SHISA9: variants seen among roughly 807,000 people sequenced by gnomAD.
The protein encoded by SHISA9 is protein shisa-9.
A neutral mutation model predicts 38.0 loss-of-function variants in SHISA9; 13 were observed. The ratio of observed to expected loss-of-function variants is 0.34; its 90% CI spans 0.22 to 0.54. The LOEUF (loss-of-function observed/expected upper bound fraction) is 0.54, where lower values mean the gene tolerates loss of function less well. SHISA9 is among the 20% of genes least tolerant of loss of function. The pLI is 0.91. For synonymous variants in SHISA9, 275 were observed against 242.0 expected, an observed-to-expected ratio of 1.14 and a Z score of -1.27; for missense variants, 538 against 575.8, an observed-to-expected ratio of 0.93 and a Z score of 0.67.
At chr16:13,462,113 G>GA in the SHISA9 span, among the ~76,000 whole-genome samples, 585 of 150,088 alleles carry the variant, frequency 3.9e-3, 3 homozygotes, top group African/African-American at 0.013. Context: ...TCTGCTTAAA[G>GA]AAAAAAAAAT....
At chr16:13,188,583 G>T (rs138503251) in intron 2 of SHISA9, among the ~76,000 whole-genome samples, 1,926 of 152,134 alleles carry the variant, frequency 0.013, 38 homozygotes, top group African/African-American at 0.044. Flanking sequence ...CAGGCATGCT[G>T]GTGCATGTCT....
chr16:13,419,300 G>T, the SHISA9 span, among the ~76,000 whole-genome samples: 1 of 152,220 alleles, frequency 6.6e-6, no homozygotes, highest in African/African-American at 2.4e-5. Context: ...CTGAGAGATG[G>T]AAAGAACAGC....
chr16:13,556,037 G>A, the SHISA9 span, among the ~76,000 whole-genome samples: 1 of 152,166 alleles, frequency 6.6e-6, no homozygotes, highest in Admixed American at 6.5e-5. Flanking sequence ...TTATACAGAT[G>A]TAGATGAGAT....
At chr16:12,979,942 T>G (rs2072218729) in intron 2 of SHISA9, among the ~76,000 whole-genome samples, 1 of 152,194 alleles carries the variant, frequency 6.6e-6, no homozygotes, top group East Asian at 1.9e-4. Context: ...TAATGTGCAT[T>G]CAAATCTCCT....
intron 4 of SHISA9, among the ~76,000 whole-genome samples, chr16:13,233,436 C>G (rs2051351452): frequency 6.6e-6 from 1 of 152,172 alleles, no homozygotes; most frequent in African/African-American, 2.4e-5. Flanking sequence ...AATGTTTATA[C>G]TCTTTGGCCA....
intron 2 of SHISA9, among the ~76,000 whole-genome samples, chr16:13,002,953 G>A (rs2072544598): frequency 6.6e-6 from 1 of 152,012 alleles, no homozygotes; most frequent in Non-Finnish European, 1.5e-5. Context: ...CATCTAAGAG[G>A]GACACGAGGT....
chr16:12,991,388 C>T (rs2141832746), intron 2 of SHISA9, among the ~76,000 whole-genome samples: 1 of 152,076 alleles, frequency 6.6e-6, no homozygotes, highest in East Asian at 1.9e-4. Context: ...TGGAGCCTTT[C>T]CCCTGTCAGA....
At chr16:13,097,279 G>A (rs1429849159) in intron 2 of SHISA9, among the ~76,000 whole-genome samples, 1 of 152,118 alleles carries the variant, frequency 6.6e-6, no homozygotes, top group African/African-American at 2.4e-5. Context: ...GGGAGTTGAT[G>A]TTAGATCTGG....
intron 2 of SHISA9, among the ~76,000 whole-genome samples, chr16:13,173,783 A>G (rs1459017220): frequency 6.6e-6 from 1 of 152,156 alleles, no homozygotes; most frequent in Non-Finnish European, 1.5e-5. Flanking sequence ...CGGCAATTAC[A>G]ACAGAGTCAG....
intron 2 of SHISA9, among the ~76,000 whole-genome samples, chr16:13,093,681 C>T (rs1474325101): frequency 2.6e-5 from 4 of 152,148 alleles, no homozygotes; most frequent in African/African-American, 9.7e-5. Context: ...CAGGCGCCCA[C>T]ATGTGCTTTG....
At chr16:13,252,284 G>C in the SHISA9 span, among the ~76,000 whole-genome samples, 1 of 152,048 alleles carries the variant, frequency 6.6e-6, no homozygotes, top group Non-Finnish European at 1.5e-5. Flanking sequence ...CCATCAACTG[G>C]GACAATGTCG....
chr16:13,285,100 T>C, the SHISA9 span, among the ~76,000 whole-genome samples: 1 of 152,158 alleles, frequency 6.6e-6, no homozygotes, highest in Non-Finnish European at 1.5e-5. Flanking sequence ...ATCTATTAAA[T>C]TTTAGCTTTT....
At chr16:13,501,635 C>G in the SHISA9 span, among the ~76,000 whole-genome samples, 1 of 152,174 alleles carries the variant, frequency 6.6e-6, no homozygotes, top group Non-Finnish European at 1.5e-5. Flanking sequence ...GGGACAGAAC[C>G]ACATCTGCTT....
chr16:13,461,006 C>G, the SHISA9 span, among the ~76,000 whole-genome samples: 1 of 152,172 alleles, frequency 6.6e-6, no homozygotes, highest in Non-Finnish European at 1.5e-5. Context: ...CTGTCTCAGG[C>G]AGTAATCCAT....
the SHISA9 span, among the ~76,000 whole-genome samples, chr16:13,286,205 A>G: frequency 6.6e-6 from 1 of 152,212 alleles, no homozygotes; most frequent in African/African-American, 2.4e-5. Context: ...ATATCTCCCT[A>G]AAATGTATAA....
At chr16:13,138,713 A>G (rs1179725720) in intron 2 of SHISA9, among the ~76,000 whole-genome samples, 1 of 152,182 alleles carries the variant, frequency 6.6e-6, no homozygotes, top group East Asian at 1.9e-4. Flanking sequence ...TGTTCCACAC[A>G]TATCATCTCT....
At chr16:13,128,782 G>C (rs555865979) in intron 2 of SHISA9, among the ~76,000 whole-genome samples, 22 of 152,214 alleles carry the variant, frequency 1.4e-4, no homozygotes, top group African/African-American at 5.3e-4. Context: ...GAGCACTTTT[G>C]GTTCTCCTCA....
At chr16:13,515,499 A>G in the SHISA9 span, among the ~76,000 whole-genome samples, 1 of 152,142 alleles carries the variant, frequency 6.6e-6, no homozygotes, top group African/African-American at 2.4e-5. Context: ...CATTATCCCC[A>G]TTTTAGAGCT....
At chr16:13,269,958 A>G in the SHISA9 span, among the ~76,000 whole-genome samples, 1 of 152,190 alleles carries the variant, frequency 6.6e-6, no homozygotes, top group Non-Finnish European at 1.5e-5. Context: ...GACATTTGCC[A>G]AAAGTGAGTT....
Sources: allele counts gnomAD v4.1 joint callset (sites outside exome capture counted in the v4.1 genomes callset), GRCh38; gene constraint gnomAD v4.1.1; transcripts MANE v1.5; gene names NCBI Gene and HGNC (gene_info 2026-07-23, HGNC 2026-07-21).